Variants in TTLL7 observed in about 807,000 individuals in gnomAD.
TTLL7 encodes tubulin polyglutamylase TTLL7.
Under a neutral mutation model 120.2 loss-of-function variants are expected in TTLL7, and 53 were observed. The observed-to-expected ratio is 0.44, with a 90% CI of 0.35 to 0.55. The LOEUF is 0.55. TTLL7 is among the 20% of genes least tolerant of loss of function. The probability of loss-of-function intolerance (pLI) is 0.00; values close to 1 mark genes in which losing one functional copy is unlikely to be tolerated. For missense variants in TTLL7, 803 were observed against 1,054.7 expected (o/e 0.76, Z 3.31); for synonymous variants, 353 against 351.7 (o/e 1.00, Z -0.04).
chr1:83,981,429 A>C (rs1266259830), intron 1 of TTLL7: 2 of 152,208 alleles, frequency 1.3e-5, no homozygotes, highest in African/African-American at 4.8e-5. Flanking sequence ...AAATTATAAA[A>C]AGCTCAATCC....
chr1:83,930,639 C>T (rs1414993746), intron 9 of TTLL7, among the ~76,000 whole-genome samples: 1 of 152,168 alleles, frequency 6.6e-6, no homozygotes, highest in Non-Finnish European at 1.5e-5. Context: ...TATAATACAA[C>T]TAATGACAGT....
chr1:83,913,699 A>G (rs887503909), intron 14 of TTLL7, among the ~76,000 whole-genome samples: 1 of 152,230 alleles, frequency 6.6e-6, no homozygotes, highest in African/African-American at 2.4e-5. Context: ...TAACAACTAC[A>G]GGAAATATCT....
intron 20 of TTLL7, among the ~76,000 whole-genome samples, chr1:83,876,593 T>G (rs903199167): frequency 2.0e-5 from 3 of 152,004 alleles, no homozygotes; most frequent in African/African-American, 7.2e-5. Flanking sequence ...GAATAAGACA[T>G]ACTTTTCCAT....
chr1:83,909,240 T>G (rs1003453505), intron 15 of TTLL7, among the ~76,000 whole-genome samples: 1 of 149,450 alleles, frequency 6.7e-6, no homozygotes, highest in African/African-American at 2.4e-5. Context: ...TCCTTTGTCT[T>G]GAATCATCAC....
intron 18 of TTLL7, among the ~76,000 whole-genome samples, chr1:83,896,215 G>A (rs772366354): frequency 1.1e-4 from 17 of 151,978 alleles, no homozygotes; most frequent in Non-Finnish European, 2.4e-4. Context: ...CTAATTTATA[G>A]AATATAGGTA....
chr1:83,972,690 A>G (rs1231314382), intron 1 of TTLL7, among the ~76,000 whole-genome samples: 7 of 152,130 alleles, frequency 4.6e-5, no homozygotes, highest in Admixed American at 4.6e-4. Context: ...CATTCCTGCC[A>G]GCAATGAATG....
chr1:83,918,934 C>T (rs971795989), intron 13 of TTLL7, among the ~76,000 whole-genome samples: 3 of 151,934 alleles, frequency 2.0e-5, no homozygotes, highest in African/African-American at 7.3e-5. Flanking sequence ...TGAAATGCTC[C>T]CTTTTAGAAT....
chr1:83,958,663 T>C (rs1328448369), intron 1 of TTLL7, among the ~76,000 whole-genome samples: 2 of 152,250 alleles, frequency 1.3e-5, no homozygotes, highest in Admixed American at 6.5e-5. Context: ...TTCTCTTATA[T>C]GAAATCATGC....
At chr1:83,876,283 T>C (rs143770210) in intron 20 of TTLL7, among the ~76,000 whole-genome samples, 50 of 152,026 alleles carry the variant, frequency 3.3e-4, no homozygotes, top group African/African-American at 1.1e-3. Flanking sequence ...ATGGTCTATT[T>C]GTCTATCCTT....
intron 1 of TTLL7, among the ~76,000 whole-genome samples, chr1:83,954,117 C>T (rs1385404558): frequency 6.6e-6 from 1 of 152,068 alleles, no homozygotes; most frequent in Admixed American, 6.6e-5. Flanking sequence ...AAACAAAGAT[C>T]CCCTTTACAG....
chr1:83,987,786 CAT>C (rs776605926), intron 1 of TTLL7, among the ~76,000 whole-genome samples: 1 of 152,094 alleles, frequency 6.6e-6, no homozygotes, highest in Non-Finnish European at 1.5e-5. Context: ...GTTTGCAAAA[CAT>C]ATTATCTGAC....
At chr1:83,929,090 G>T in intron 10 of TTLL7, 46 bp downstream of exon 10, 1 of 1,268,634 alleles carries the variant, frequency 7.9e-7, no homozygotes, top group Non-Finnish European at 1.1e-6. Context: ...ATTAATCTAT[G>T]TCAAATGTGG....
chr1:83,939,106 G>A (rs1011494477), intron 7 of TTLL7, among the ~76,000 whole-genome samples: 3 of 152,006 alleles, frequency 2.0e-5, no homozygotes, highest in Non-Finnish European at 2.9e-5. Context: ...AGCAATCTCC[G>A]CTGGGCACTG....
Position 83,921,327 on chromosome 1 carries a change from T to G in TTLL7, c.1210A>C (p.Asn404His). 2 of 1,612,800 alleles carry G rather than the reference T, an allele frequency of 1.2e-6. No individual in the cohort carries two copies. The highest frequency in any genetic ancestry group is 1.7e-6 in the Non-Finnish European group (2 of 1,179,798). ...AEAQRRLYGQ[N>H]SIKRLLPGSS... ...CCTGGTAAGAGCCTTTTAATTGAATTTTGACCATAGAGCCTCCTTTGAGCC... is the reference window on the plus strand; with the variant it reads ...CCTGGTAAGAGCCTTTTAATTGAATGTTGACCATAGAGCCTCCTTTGAGCC... The change falls in exon 11 of 21, where the codon AAT becomes CAT. Residue 404 changes from asparagine to histidine, a missense_variant. Coordinates refer to ENST00000260505, the MANE Select transcript of TTLL7 (RefSeq NM_024686.6).
intron 1 of TTLL7, among the ~76,000 whole-genome samples, chr1:83,990,167 CTT>C (rs35374044): frequency 2.0e-4 from 23 of 116,922 alleles, no homozygotes; most frequent in African/African-American, 5.9e-4. Flanking sequence ...ATTTGGATGC[CTT>C]TTTTTTTTTT....
intron 15 of TTLL7, 37 bp downstream of exon 15, chr1:83,911,128 C>T: frequency 3.3e-6 from 5 of 1,528,174 alleles, no homozygotes; most frequent in Non-Finnish European, 4.5e-6. Context: ...TTCCATAATT[C>T]TTTATATAAC....
chr1:83,951,678 A>G (rs1452190940), intron 3 of TTLL7, among the ~76,000 whole-genome samples, 167 bp downstream of exon 3: 2 of 152,230 alleles, frequency 1.3e-5, no homozygotes, highest in Non-Finnish European at 2.9e-5. Flanking sequence ...ATCTTCTACC[A>G]CACAGAAAAA....
intron 19 of TTLL7, chr1:83,889,897 C>A: frequency 2.2e-6 from 1 of 456,668 alleles, no homozygotes; most frequent in Non-Finnish European, 4.4e-6. Flanking sequence ...TTAAGGGAAG[C>A]CAAGAAAGGA....
intron 1 of TTLL7, among the ~76,000 whole-genome samples, chr1:83,977,124 C>A (rs956863895): frequency 1.3e-5 from 2 of 151,744 alleles, no homozygotes; most frequent in African/African-American, 4.8e-5. Context: ...GGCAAAAGTT[C>A]TGTATTATCA....
Sources: allele counts gnomAD v4.1 joint callset (sites outside exome capture counted in the v4.1 genomes callset), GRCh38; gene constraint gnomAD v4.1.1; transcripts MANE v1.5; gene names NCBI Gene and HGNC (gene_info 2026-07-23, HGNC 2026-07-21).